The following ADK variants were observed in gnomAD, a reference collection of about 807,000 sequenced individuals.
ADK encodes the protein N6,N6-dimethyladenosine kinase.
ADK carries 24 observed loss-of-function variants against 44.7 expected under a neutral mutation model. The ratio of observed to expected loss-of-function variants is 0.54; its 90% confidence interval spans 0.39 to 0.76. The LOEUF is 0.76. Ranked by LOEUF, ADK falls within the 30% of genes least tolerant of loss-of-function variation. The pLI is 0.00. For missense variants in ADK, 321 were observed against 425.1 expected, an observed-to-expected ratio of 0.76 and a Z score of 2.15; for synonymous variants, 128 against 142.6, an observed-to-expected ratio of 0.90 and a Z score of 0.73.
chr10:74,372,517 G>C, intron 4 of ADK: 1 of 362,746 alleles, frequency 2.8e-6, no homozygotes, highest in South Asian at 3.4e-5. Context: ...AAGGTTGACA[G>C]ATAAAATATC....
At chr10:74,309,012 A>T (rs1409983241) in intron 3 of ADK, among the ~76,000 whole-genome samples, 1 of 152,122 alleles carries the variant, frequency 6.6e-6, no homozygotes, top group Non-Finnish European at 1.5e-5. Context: ...AATTCTTGTT[A>T]TATCTTATTT....
At chr10:74,565,400 A>T (rs1330562428) in intron 7 of ADK, among the ~76,000 whole-genome samples, 1 of 152,200 alleles carries the variant, frequency 6.6e-6, no homozygotes, top group Non-Finnish European at 1.5e-5. Flanking sequence ...TATGATTTTT[A>T]AACAAGTTGT....
At chr10:74,389,536 C>A (rs1009289689) in intron 4 of ADK, among the ~76,000 whole-genome samples, 10 of 150,504 alleles carry the variant, frequency 6.6e-5, no homozygotes, top group Non-Finnish European at 8.9e-5. Context: ...AACATCTTTA[C>A]TGAGATTATT....
chr10:74,577,360 A>C (rs938180728), intron 7 of ADK, among the ~76,000 whole-genome samples: 4 of 152,120 alleles, frequency 2.6e-5, no homozygotes, highest in African/African-American at 9.6e-5. Context: ...ATTACAATAC[A>C]CTCTGTACAT....
At chr10:74,243,930 A>G (rs1240436663) in intron 3 of ADK, among the ~76,000 whole-genome samples, 2 of 152,166 alleles carry the variant, frequency 1.3e-5, no homozygotes, top group Non-Finnish European at 2.9e-5. Flanking sequence ...CATTCTCTCC[A>G]TTGAACTGTA....
chr10:74,456,449 C>T (rs1237076231), intron 6 of ADK, among the ~76,000 whole-genome samples: 1 of 151,788 alleles, frequency 6.6e-6, no homozygotes, highest in Admixed American at 6.6e-5. Flanking sequence ...CCGAGGCGGG[C>T]GGATCACAAG....
intron 6 of ADK, among the ~76,000 whole-genome samples, chr10:74,412,513 C>T (rs1844219957): frequency 6.6e-6 from 1 of 152,150 alleles, no homozygotes; most frequent in Non-Finnish European, 1.5e-5. Context: ...TGCCCAAACC[C>T]ATCAGATGAG....
At chr10:74,455,927 T>A (rs1200309411) in intron 6 of ADK, among the ~76,000 whole-genome samples, 1 of 152,150 alleles carries the variant, frequency 6.6e-6, no homozygotes, top group African/African-American at 2.4e-5. Flanking sequence ...TGGCTGCGCT[T>A]AACATTTTTT....
At chr10:74,198,775 A>G (rs1338039239) in intron 1 of ADK, among the ~76,000 whole-genome samples, 1 of 152,104 alleles carries the variant, frequency 6.6e-6, no homozygotes, top group Non-Finnish European at 1.5e-5. Flanking sequence ...CCATACTGTG[A>G]TCTCTTATGG....
intron 4 of ADK, among the ~76,000 whole-genome samples, chr10:74,338,969 A>G (rs1171905014): frequency 1.3e-5 from 2 of 152,086 alleles, no homozygotes; most frequent in Middle Eastern, 3.2e-3. Flanking sequence ...AATTTCTTTT[A>G]AGAGACAGTG....
chr10:74,342,014 GA>G (rs1158014441), intron 4 of ADK, among the ~76,000 whole-genome samples: 4 of 151,348 alleles, frequency 2.6e-5, no homozygotes, highest in African/African-American at 2.4e-5. Context: ...TAAGTAGCAT[GA>G]AAAAAAAGCT....
chr10:74,389,802 G>A (rs182031685), intron 4 of ADK, among the ~76,000 whole-genome samples: 1 of 152,000 alleles, frequency 6.6e-6, no homozygotes, highest in African/African-American at 2.4e-5. Context: ...TGCCTTGCAG[G>A]TTCAAATAAT....
chr10:74,311,908 C>T (rs934959662), intron 3 of ADK, among the ~76,000 whole-genome samples: 2 of 152,152 alleles, frequency 1.3e-5, no homozygotes, highest in African/African-American at 4.8e-5. Flanking sequence ...TGGCTCACAC[C>T]TGTAATACCA....
rs776641786 is a variant in ADK, at chr10:74,633,916, T to C, written c.877+33423T>C. ...CCAGAGGAAGAGTTTAGGTAAAAAG[T>C]GAGTGAGGAAATTTCAGAAAGGAGA... On this transcript the variant is annotated intron_variant, in intron 9 of 10. Coordinates refer to ENST00000539909, the MANE Select transcript of ADK (RefSeq NM_006721.4). 7.9e-4 allele frequency among the ~76,000 whole-genome samples: 120 copies of C among 152,256 alleles called. 1 individual carries two copies. Among genetic ancestry groups the C allele is most frequent in the Admixed American group, 5.9e-3 (90 of 15,294 alleles).
intron 10 of ADK, among the ~76,000 whole-genome samples, chr10:74,671,473 G>A (rs1300486908): frequency 6.6e-6 from 1 of 152,144 alleles, no homozygotes; most frequent in Non-Finnish European, 1.5e-5. Flanking sequence ...TTGTTCTTTG[G>A]AAAGAGTCTG....
chr10:74,405,245 A>G (rs900357954), intron 6 of ADK, among the ~76,000 whole-genome samples: 1 of 152,094 alleles, frequency 6.6e-6, no homozygotes, highest in East Asian at 1.9e-4. Flanking sequence ...GGGGTCCCTA[A>G]TCTCTGGTAC....
At chr10:74,249,450 G>T (rs1222741296) in intron 3 of ADK, among the ~76,000 whole-genome samples, 1 of 151,750 alleles carries the variant, frequency 6.6e-6, no homozygotes, top group Non-Finnish European at 1.5e-5. Flanking sequence ...CTTTCAGAAA[G>T]AAATTGAGAT....
At chr10:74,549,516 G>A (rs112663824) in intron 7 of ADK, among the ~76,000 whole-genome samples, 1,702 of 152,194 alleles carry the variant, frequency 0.011, 37 homozygotes, top group African/African-American at 0.039. Flanking sequence ...CTCAGTGGCA[G>A]TCTCAACTTC....
At chr10:74,523,440 A>C (rs1440522110) in intron 6 of ADK, among the ~76,000 whole-genome samples, 1 of 150,966 alleles carries the variant, frequency 6.6e-6, no homozygotes, top group Non-Finnish European at 1.5e-5. Flanking sequence ...CTCCACCATC[A>C]CTTCTCCTCT....
Sources: allele counts gnomAD v4.1 joint callset (sites outside exome capture counted in the v4.1 genomes callset), GRCh38; gene constraint gnomAD v4.1.1; transcripts MANE v1.5; gene names NCBI Gene and HGNC (gene_info 2026-07-23, HGNC 2026-07-21).